Variants in OSBPL9 observed in about 807,000 individuals in gnomAD.
The protein encoded by OSBPL9 is oxysterol-binding protein-related protein 9.
Under a neutral mutation model 106.6 loss-of-function variants are expected in OSBPL9, and 40 were observed. That is an observed-to-expected ratio of 0.38 (90% CI 0.29 to 0.49). The LOEUF (loss-of-function observed/expected upper bound fraction) is 0.49, where lower values mean the gene tolerates loss of function less well. OSBPL9 is among the 20% of genes least tolerant of loss of function. OSBPL9 has a pLI of 0.97. For synonymous variants in OSBPL9, 269 were observed against 295.4 expected, an observed-to-expected ratio of 0.91 and a Z score of 0.92; for missense variants, 609 against 887.2, an observed-to-expected ratio of 0.69 and a Z score of 3.98.
chr1:51,599,326 C>T (rs1570538227), intron 2 of OSBPL9, among the ~76,000 whole-genome samples: 1 of 152,118 alleles, frequency 6.6e-6, no homozygotes, highest in Non-Finnish European at 1.5e-5. Context: ...AAGCTGGAAT[C>T]GCTTGTACTA....
chr1:51,578,050 A>G (rs1381921141), intron 1 of OSBPL9, among the ~76,000 whole-genome samples: 1 of 152,206 alleles, frequency 6.6e-6, no homozygotes, highest in African/African-American at 2.4e-5. Flanking sequence ...TGTCTTCCCT[A>G]CCAGACTAGT....
Position 51,729,695 on chromosome 1 carries a change from C to A in OSBPL9, c.318+15616C>A. ...GCCCAACCGCCAATCGTCTGCCTCT[C>A]ACCTCCTACAGCAGGTGACCCATGG... On this transcript the variant is annotated intron_variant, in intron 4 of 23. Transcript: ENST00000428468. This position sits in a 1 kb window ranked among gnomAD's most constrained non-coding sequence, Gnocchi z 5.1. The A allele has an allele frequency of 3.4e-6, 2 of 589,138 alleles. No individual in the cohort carries two copies. The highest frequency in any genetic ancestry group is 1.9e-5 in the African/African-American group (1 of 52,268). The allele number at this position is 589,138 out of a possible 1,614,324, so 36.5% of individuals were successfully genotyped here.
At chr1:51,625,225 A>G (rs1013785676) in intron 1 of OSBPL9, among the ~76,000 whole-genome samples, 2 of 152,194 alleles carry the variant, frequency 1.3e-5, no homozygotes, top group Non-Finnish European at 2.9e-5. Flanking sequence ...TGATGGTGAT[A>G]ATTTGTAGAA....
At chr1:51,624,985 G>A (rs1644686030) in intron 1 of OSBPL9, among the ~76,000 whole-genome samples, 1 of 152,226 alleles carries the variant, frequency 6.6e-6, no homozygotes, top group Admixed American at 6.5e-5. Flanking sequence ...AGGTGAGTGA[G>A]GCAGAAGGCT....
intron 1 of OSBPL9, among the ~76,000 whole-genome samples, chr1:51,583,173 A>G (rs1288173416): frequency 2.0e-5 from 3 of 152,146 alleles, no homozygotes; most frequent in Non-Finnish European, 2.9e-5. Flanking sequence ...GTAGGGTGTT[A>G]TTTAACATAT....
Position 51,764,516 on chromosome 1 carries a change from C to CT in OSBPL9, c.779-1299dup, listed in dbSNP as rs576582974. On this transcript the variant is annotated intron_variant, in intron 11 of 23. Transcript: ENST00000428468. ...TGACTAAATGTGGCAAACTGATGTG[C>CT]TTTTTTTCACAACTATTGAACCATA... 8.0e-5 allele frequency among the ~76,000 whole-genome samples: 12 copies of CT among 150,664 alleles called. No individual in the cohort carries two copies. The South Asian group carries it at 1.0e-3, about 13-fold the overall frequency.
the OSBPL9 span, among the ~76,000 whole-genome samples, chr1:51,568,905 G>T: frequency 1.9e-4 from 29 of 152,252 alleles, no homozygotes; most frequent in South Asian, 2.1e-3. Context: ...TAGAGATGGG[G>T]TTTCACCATG....
chr1:51,655,532 T>G (rs1460130795), intron 2 of OSBPL9, among the ~76,000 whole-genome samples: 3 of 152,140 alleles, frequency 2.0e-5, no homozygotes, highest in Non-Finnish European at 4.4e-5. Flanking sequence ...TCGGATTAGG[T>G]CCACCAAATA....
intron 4 of OSBPL9, among the ~76,000 whole-genome samples, chr1:51,731,711 A>C (rs934910745): frequency 2.0e-5 from 3 of 148,968 alleles, no homozygotes; most frequent in African/African-American, 7.5e-5. Context: ...CTGGAGGGGG[A>C]GCTTACAGTG....
At chr1:51,559,108 C>T in the OSBPL9 span, among the ~76,000 whole-genome samples, 39 of 152,184 alleles carry the variant, frequency 2.6e-4, 2 homozygotes, top group East Asian at 7.5e-3. Flanking sequence ...GACCATCTTA[C>T]TAGGCTGGGA....
At chr1:51,726,009 CAT>C (rs1308010398) in intron 4 of OSBPL9, among the ~76,000 whole-genome samples, 1 of 152,164 alleles carries the variant, frequency 6.6e-6, no homozygotes, top group Non-Finnish European at 1.5e-5. Context: ...TTGCCAATAA[CAT>C]AAACAGTTGA....
rs137924132 is a variant in OSBPL9 at position 51,689,960 on chromosome 1, G to A, written c.241+20448G>A. On this transcript the variant is annotated intron_variant, in intron 3 of 23. Transcript: ENST00000428468. ...TAAGCTTCCTGTTCTCCCTTTTTCTGGATTCTTTTCTGCCAAAGCAACCTC... is the reference window on the plus strand; with the variant it reads ...TAAGCTTCCTGTTCTCCCTTTTTCTAGATTCTTTTCTGCCAAAGCAACCTC... Among the ~76,000 whole-genome samples, 851 of 151,954 alleles carry A rather than the reference G, an allele frequency of 5.6e-3. 2 individuals carry two copies. The highest frequency in any genetic ancestry group is 0.019 in the African/African-American group (806 of 41,420).
At chr1:51,785,579 A>C (rs1382671452) in intron 20 of OSBPL9, 1 of 528,784 alleles carries the variant, frequency 1.9e-6, no homozygotes, top group African/African-American at 2.0e-5. Context: ...CCAGAATAGG[A>C]CGTTCTTGCC....
At chr1:51,787,669 A>G in intron 23 of OSBPL9, 46 bp from the exon 24 acceptor site, 1 of 1,600,466 alleles carries the variant, frequency 6.2e-7, no homozygotes, top group Non-Finnish European at 8.6e-7. Context: ...ATATTACAGA[A>G]GTACAAAGCA....
chr1:51,716,212 AG>A (rs1459773950), intron 4 of OSBPL9, among the ~76,000 whole-genome samples: 1 of 152,258 alleles, frequency 6.6e-6, no homozygotes, highest in African/African-American at 2.4e-5. Flanking sequence ...TGGAGAAGAT[AG>A]GACATTTAGA....
intron 8 of OSBPL9, chr1:51,752,444 C>G (rs1433107026): frequency 2.3e-6 from 1 of 443,520 alleles, no homozygotes; most frequent in Non-Finnish European, 4.5e-6. Flanking sequence ...CCTCGTATCA[C>G]TAGTCAAGTT....
intron 9 of OSBPL9, chr1:51,759,565 C>T (rs1671068058): frequency 6.6e-6 from 1 of 152,034 alleles, no homozygotes; most frequent in Non-Finnish European, 1.5e-5. Context: ...GTTCAGTTTT[C>T]CAGATCAATT....
At chr1:51,526,621 G>A in the OSBPL9 span, among the ~76,000 whole-genome samples, 3 of 152,102 alleles carry the variant, frequency 2.0e-5, no homozygotes, top group African/African-American at 7.2e-5. Context: ...TAGCTCAAGA[G>A]ATTCACAATC....
intron 7 of OSBPL9, among the ~76,000 whole-genome samples, chr1:51,749,027 G>T (rs1268282231): frequency 6.6e-6 from 1 of 152,082 alleles, no homozygotes; most frequent in Non-Finnish European, 1.5e-5. Context: ...AGAAGTTGCA[G>T]TGAGTTGAGA....
Sources: gnomAD v4.1 joint callset for allele counts (sites outside exome capture counted in the v4.1 genomes callset) on GRCh38, gnomAD v4.1.1 for gene constraint, Gnocchi (gnomAD v3.1) non-coding constraint, MANE v1.5 for transcripts, NCBI Gene and HGNC (gene_info 2026-07-23, HGNC 2026-07-21) for gene names.